Variants in MEIS1 observed in about 807,000 individuals in gnomAD.
MEIS1 encodes homeobox protein Meis1.
In MEIS1, 5 loss-of-function variants were observed where a neutral mutation model predicts 50.8. The ratio of observed to expected loss-of-function variants is 0.10; its 90% CI spans 0.05 to 0.21. The LOEUF (loss-of-function observed/expected upper bound fraction) is 0.21, where lower values mean the gene tolerates loss of function less well. MEIS1 is among the 10% of genes least tolerant of loss of function. MEIS1 has a pLI of 1.00. For missense variants in MEIS1, 318 were observed against 517.3 expected (o/e 0.61, Z 3.74); for synonymous variants, 176 against 179.3 (o/e 0.98, Z 0.15).
At chr2:66,469,649 G>C (rs919460734) in intron 7 of MEIS1, among the ~76,000 whole-genome samples, 4 of 152,154 alleles carry the variant, frequency 2.6e-5, no homozygotes, top group Non-Finnish European at 4.4e-5. Context: ...AGCACATTTC[G>C]CACAGAGTTT....
chr2:66,439,516 C>T, intron 2 of MEIS1: 1 of 1,477,220 alleles, frequency 6.8e-7, no homozygotes. Flanking sequence ...GAGGGCTTGT[C>T]GGGTGGGAAA....
intron 8 of MEIS1, among the ~76,000 whole-genome samples, chr2:66,517,677 A>G (rs945986919): frequency 6.6e-6 from 1 of 152,178 alleles, no homozygotes; most frequent in Non-Finnish European, 1.5e-5. Context: ...TTTTTCACTC[A>G]AGTGGGAATC....
intron 3 of MEIS1, 133 bp downstream of exon 3, chr2:66,440,117 A>G: frequency 1.2e-6 from 1 of 845,232 alleles, no homozygotes; most frequent in Non-Finnish European, 1.7e-6. Context: ...AGTAGCCAGC[A>G]CGTAGTCGGC....
chr2:66,444,136 C>CTA (rs1308892245), intron 6 of MEIS1, among the ~76,000 whole-genome samples: 3 of 152,172 alleles, frequency 2.0e-5, no homozygotes, highest in Admixed American at 1.3e-4. Context: ...TGCAAGGCGT[C>CTA]TAGAGATTTG....
intron 7 of MEIS1, among the ~76,000 whole-genome samples, chr2:66,511,447 G>A (rs923156589): frequency 6.6e-6 from 1 of 152,084 alleles, no homozygotes; most frequent in Non-Finnish European, 1.5e-5. Flanking sequence ...ATGAATTTTA[G>A]AAACTGCCTG....
chr2:66,499,372 T>C (rs1290553938), intron 7 of MEIS1, among the ~76,000 whole-genome samples: 4 of 151,694 alleles, frequency 2.6e-5, no homozygotes, highest in African/African-American at 4.9e-5. Flanking sequence ...ATCTCTTTTT[T>C]TCCCCCTGAC....
At chr2:66,471,960 A>G (rs1672772013) in intron 7 of MEIS1, among the ~76,000 whole-genome samples, 1 of 152,246 alleles carries the variant, frequency 6.6e-6, no homozygotes, top group Admixed American at 6.5e-5. Flanking sequence ...AAACGATGAA[A>G]ATGGAGATAT....
Position 66,558,017 on chromosome 2 carries a change from C to T in MEIS1, c.966-9436C>T, listed in dbSNP as rs138046747. ...AAAGTTGGCTGGGCACAGTGGCTCA[C>T]GCCTGTAATCCCAGCATTTTGGGAG... On this transcript the variant is annotated intron_variant, in intron 9 of 12. Coordinates refer to ENST00000272369, the MANE Select transcript of MEIS1 (RefSeq NM_002398.3). Among the ~76,000 whole-genome samples the T allele has an allele frequency of 4.0e-3, 608 of 152,180 alleles. 10 individuals carry two copies. The highest frequency in any genetic ancestry group is 0.013 in the African/African-American group (547 of 41,520).
At chr2:66,447,118 G>A (rs559268385) in intron 6 of MEIS1, among the ~76,000 whole-genome samples, 25 of 152,312 alleles carry the variant, frequency 1.6e-4, no homozygotes, top group Non-Finnish European at 3.4e-4. Flanking sequence ...GCATGGATGG[G>A]ATCTGCTGCT....
chr2:66,508,535 T>G (rs1310956866), intron 7 of MEIS1, among the ~76,000 whole-genome samples: 1 of 152,206 alleles, frequency 6.6e-6, no homozygotes. Context: ...TGCATTAGAA[T>G]GTTGCATATG....
In MEIS1 at chr2:66,437,918, C is replaced by A. The variant is rs954461904; in HGVS notation, c.194C>A (p.Ser65Tyr). The change falls in exon 2 of 13, where the codon TCC becomes TAC. Residue 65 changes from serine to tyrosine, a missense_variant. Around this residue, in one of 6 missense-constraint regions of MEIS1, gnomAD observed 100 missense variants for 107.1 expected, o/e 0.93. Coordinates refer to ENST00000272369, the MANE Select transcript of MEIS1 (RefSeq NM_002398.3). ...AACGCCATGGCCCCCAGCATGGGCT[C>A]CTCTGTCAATGACGCTTTAAAGAGA... is the stretch of plus-strand genomic sequence containing the variant. ...HTNAMAPSMG[S>Y]SVNDALKRDK... The A allele has an allele frequency of 6.2e-7, 1 of 1,602,646 alleles. No homozygotes were observed.
chr2:66,524,992 G>C (rs978242824), intron 8 of MEIS1, among the ~76,000 whole-genome samples: 2 of 152,122 alleles, frequency 1.3e-5, no homozygotes, highest in African/African-American at 4.8e-5. Flanking sequence ...CAGATTGCTT[G>C]AGCCCAGGAA....
At chr2:66,524,765 G>C (rs116585891) in intron 8 of MEIS1, among the ~76,000 whole-genome samples, 2,856 of 151,890 alleles carry the variant, frequency 0.019, 81 homozygotes, top group African/African-American at 0.066. Flanking sequence ...CTCCGAACTT[G>C]TCAAATTTAT....
intron 8 of MEIS1, among the ~76,000 whole-genome samples, chr2:66,520,463 A>G (rs1674089015): frequency 6.6e-6 from 1 of 151,760 alleles, no homozygotes; most frequent in Admixed American, 6.6e-5. Context: ...CCTGGGTGAC[A>G]GAGAAAGACT....
At position 66,572,747 on chromosome 2, in the gene MEIS1, A is replaced by T. The variant is rs746318754; in HGVS notation, c.*1539A>T. The stretch of plus-strand genomic sequence containing the variant: ...AATCTGAATCTAAAATAAAAACAAG[A>T]TTATTTTTGTCATGCTGACTCCACT... On this transcript the variant is annotated 3_prime_UTR_variant, in exon 13 of 13. Coordinates refer to ENST00000272369, the MANE Select transcript of MEIS1 (RefSeq NM_002398.3). 6.6e-6 allele frequency: 1 copy of T among 152,198 alleles called. No homozygotes were observed. 9.4% of individuals were successfully genotyped at this position (152,198 alleles called of 1,614,324 possible).
In MEIS1 at chr2:66,517,283, G is replaced by A. The variant is rs185343925; in HGVS notation, c.888+4989G>A. On this transcript the variant is annotated intron_variant, in intron 8 of 12. Transcript: ENST00000272369. ...AAACTAGTCCTAATCTACCTTAATT[G>A]TCATGTGCCTGAGACAAGGGAAGTG... Among the ~76,000 whole-genome samples, 138 of 152,238 alleles carry A rather than the reference G, an allele frequency of 9.1e-4. 1 individual carries two copies. Among genetic ancestry groups the A allele is most frequent in the African/African-American group, 3.1e-3 (127 of 41,540 alleles).
chr2:66,559,183 C>CA (rs1442552858), intron 9 of MEIS1, among the ~76,000 whole-genome samples: 1 of 151,072 alleles, frequency 6.6e-6, no homozygotes, highest in South Asian at 2.1e-4. Context: ...AACAAGTAAA[C>CA]AAAAAAACCT....
chr2:66,493,338 A>G (rs1317723690), intron 7 of MEIS1, among the ~76,000 whole-genome samples: 1 of 152,158 alleles, frequency 6.6e-6, no homozygotes, highest in Non-Finnish European at 1.5e-5. Context: ...GATTCTATCT[A>G]TAGTTATTTA....
chr2:66,569,309 T>A, intron 12 of MEIS1, 164 bp downstream of exon 12: 1 of 586,140 alleles, frequency 1.7e-6, no homozygotes, highest in Non-Finnish European at 3.0e-6. Flanking sequence ...GATCAAGCTT[T>A]TAAGCTTATA....
Sources: allele counts gnomAD v4.1 joint callset (sites outside exome capture counted in the v4.1 genomes callset), GRCh38; gene constraint gnomAD v4.1.1; regional missense constraint gnomAD v4.1.1; transcripts MANE v1.5; gene names NCBI Gene and HGNC (gene_info 2026-07-23, HGNC 2026-07-21).